The following CORO2A variants were observed in gnomAD, a reference collection of about 807,000 sequenced individuals.
CORO2A encodes the protein coronin 2A.
Under a neutral mutation model 62.4 loss-of-function variants are expected in CORO2A, and 47 were observed. That is an observed-to-expected ratio of 0.75 (90% CI 0.60 to 0.96). The LOEUF (loss-of-function observed/expected upper bound fraction) is 0.96. CORO2A is among the 40% of genes least tolerant of loss of function. CORO2A has a pLI of 0.00. For synonymous variants in CORO2A, 273 were observed against 268.9 expected (o/e 1.02, Z -0.15); for missense variants, 610 against 684.1 (o/e 0.89, Z 1.21).
At chr9:98,163,879 A>G (rs1458099270) in intron 1 of CORO2A, among the ~76,000 whole-genome samples, 1 of 152,074 alleles carries the variant, frequency 6.6e-6, no homozygotes, top group East Asian at 1.9e-4. Context: ...CTGAAACTGA[A>G]CCCAAACTGG....
chr9:98,164,279 AT>A (rs2118893235), intron 1 of CORO2A, among the ~76,000 whole-genome samples: 1 of 152,336 alleles, frequency 6.6e-6, no homozygotes, highest in South Asian at 2.1e-4. Flanking sequence ...AATTCACACA[AT>A]ACACGTCTCA....
chr9:98,150,336 A>G (rs1025800027), intron 2 of CORO2A, among the ~76,000 whole-genome samples: 12 of 151,696 alleles, frequency 7.9e-5, no homozygotes, highest in East Asian at 1.9e-4. Context: ...CTACTCCCCA[A>G]TCTGACCTCA....
At chr9:98,167,627 G>A (rs547871952) in intron 1 of CORO2A, among the ~76,000 whole-genome samples, 20 of 151,902 alleles carry the variant, frequency 1.3e-4, no homozygotes, top group African/African-American at 3.6e-4. Flanking sequence ...GTGTGGATCC[G>A]GATTCACACA....
intron 1 of CORO2A, among the ~76,000 whole-genome samples, chr9:98,175,338 G>A (rs536012863): frequency 3.9e-5 from 6 of 152,250 alleles, no homozygotes; most frequent in African/African-American, 1.2e-4. Flanking sequence ...CAGAGTCGTG[G>A]CTCTTCCCAC....
chr9:98,130,839 A>T (rs945039245), intron 7 of CORO2A, 116 bp downstream of exon 7: 1 of 794,914 alleles, frequency 1.3e-6, no homozygotes, highest in African/African-American at 1.7e-5. Context: ...TCTCACAGGG[A>T]AAGAGTGGCC....
Position 98,148,816 on chromosome 9 carries a change from A to G in CORO2A, c.201+8644T>C, listed in dbSNP as rs572901079. ...ACACACACACACAAAACACAAAAAA[A>G]AATGATCAATACTCAATATATGCAA... On this transcript the variant is annotated intron_variant, in intron 2 of 11. Transcript: ENST00000375077. 1.7e-3 allele frequency among the ~76,000 whole-genome samples: 260 copies of G among 152,236 alleles called. 1 individual carries two copies. The highest frequency in any genetic ancestry group is 2.5e-3 in the Non-Finnish European group (171 of 68,012).
At chr9:98,139,591 C>T (rs893140924) in intron 2 of CORO2A, among the ~76,000 whole-genome samples, 2 of 152,174 alleles carry the variant, frequency 1.3e-5, no homozygotes, top group Non-Finnish European at 2.9e-5. Context: ...TGTGCCACTG[C>T]GTTCCAGCCT....
intron 6 of CORO2A, 51 bp from the exon 7 acceptor site, chr9:98,131,110 C>G (rs1827401647): frequency 8.1e-7 from 1 of 1,240,474 alleles, no homozygotes; most frequent in Non-Finnish European, 1.2e-6. Flanking sequence ...TGGGGGCCCT[C>G]AGTGGTGCTC....
rs137868323 is a variant in CORO2A, at chr9:98,157,526, G to A, written c.135C>T (p.Pro45=). The part of the protein sequence containing the change: ...VHDNHFCAVN[P]HFIAVVTECA... ...ACTCAGTCACAACTGCAATGAAGTG[G>A]GGGTTCACGGCACAGAAGTGGTTGT... Residue 45 remains proline (P), a synonymous_variant, in exon 2 of 12, where the codon CCC becomes CCT. Transcript: ENST00000375077. 2.8e-4 allele frequency: 454 copies of A among 1,614,206 alleles called. 1 individual carries two copies. Among genetic ancestry groups the A allele is most frequent in the Middle Eastern group, 1.5e-3 (9 of 6,062 alleles).
chr9:98,182,210 T>C (rs1828186051), intron 1 of CORO2A, among the ~76,000 whole-genome samples: 1 of 152,200 alleles, frequency 6.6e-6, no homozygotes, highest in Non-Finnish European at 1.5e-5. Context: ...CAGAAAGTAA[T>C]CAATCGTGAA....
chr9:98,182,653 C>T, intron 1 of CORO2A, among the ~76,000 whole-genome samples: 1 of 152,216 alleles, frequency 6.6e-6, no homozygotes, highest in Non-Finnish European at 1.5e-5. Context: ...TTGCCTCTTG[C>T]TGGCTGCGTG....
chr9:98,181,848 A>G (rs999730810), intron 1 of CORO2A, among the ~76,000 whole-genome samples: 17 of 152,180 alleles, frequency 1.1e-4, no homozygotes, highest in Non-Finnish European at 2.5e-4. Context: ...GGAAAACTCA[A>G]GAAAGGAACC....
rs766629831 is a variant in CORO2A at position 98,133,072 on chromosome 9, C to T, written c.614G>A (p.Arg205Gln). 72 of 1,614,212 alleles carry T rather than the reference C, an allele frequency of 4.5e-5. No individual in the cohort carries two copies. The highest frequency in any genetic ancestry group is 6.7e-5 in the East Asian group (3 of 44,886). The change falls in exon 5 of 12, where the codon CGG becomes CAG. Residue 205 changes from arginine (R) to glutamine (Q), a missense_variant. By Grantham distance (43) the Arg-to-Gln change is conservative (BLOSUM62 1). Coordinates refer to ENST00000375077, the MANE Select transcript of CORO2A (RefSeq NM_052820.4). ...LATTCKDRKIRVIDPRAGTVL... is the reference protein window; with the variant it reads ...LATTCKDRKIQVIDPRAGTVL... ...GGTCCCTGCTCGGGGGTCAATAACC[C>T]GAATCTTGCGGTCTTTGCAGGTGGT... is the stretch of plus-strand genomic sequence containing the variant.
chr9:98,158,855 A>C (rs991226327), intron 1 of CORO2A, among the ~76,000 whole-genome samples: 4 of 151,886 alleles, frequency 2.6e-5, no homozygotes, highest in African/African-American at 7.3e-5. Context: ...ACACACACAC[A>C]CACACCATGT....
chr9:98,182,126 C>T (rs547046652), intron 1 of CORO2A, among the ~76,000 whole-genome samples: 7 of 152,304 alleles, frequency 4.6e-5, no homozygotes, highest in Admixed American at 4.6e-4. Flanking sequence ...GTCCATCTCT[C>T]GTTTGGTCTG....
chr9:98,162,649 G>A (rs945108295), intron 1 of CORO2A, among the ~76,000 whole-genome samples: 4 of 152,338 alleles, frequency 2.6e-5, no homozygotes, highest in South Asian at 2.1e-4. Context: ...GCCTGTGTGC[G>A]TACTGTGTGT....
chr9:98,175,843 A>G (rs1828103093), intron 1 of CORO2A, among the ~76,000 whole-genome samples: 1 of 152,204 alleles, frequency 6.6e-6, no homozygotes, highest in Non-Finnish European at 1.5e-5. Context: ...ATGAGTTAAT[A>G]TCTGTCAAGC....
rs180880968 is a variant in CORO2A, at chr9:98,168,191, C to T, written c.1-10531G>A. ...TTCAAGAGCTCAAAAGCCACATGTGCTTCATAATCACAGATGAAACCATAC... is the reference window on the plus strand; with the variant it reads ...TTCAAGAGCTCAAAAGCCACATGTGTTTCATAATCACAGATGAAACCATAC... On this transcript the variant is annotated intron_variant, in intron 1 of 11. Coordinates refer to ENST00000375077, the MANE Select transcript of CORO2A (RefSeq NM_052820.4). Among the ~76,000 whole-genome samples the T allele has an allele frequency of 9.2e-5, 14 of 152,356 alleles. No individual in the cohort carries two copies. In the East Asian group the frequency reaches 2.1e-3, roughly 23 times the overall value.
intron 1 of CORO2A, among the ~76,000 whole-genome samples, chr9:98,179,061 C>T (rs1828144705): frequency 6.6e-6 from 1 of 152,200 alleles, no homozygotes; most frequent in Non-Finnish European, 1.5e-5. Context: ...GGTCCTTTTA[C>T]TTTACTGTGC....
Sources: allele counts gnomAD v4.1 joint callset (sites outside exome capture counted in the v4.1 genomes callset), GRCh38; gene constraint gnomAD v4.1.1; transcripts MANE v1.5; gene names NCBI Gene and HGNC (gene_info 2026-07-23, HGNC 2026-07-21).